EXT1: variants seen among roughly 807,000 people sequenced by gnomAD.
EXT1 encodes exostosin-1.
In EXT1, 20 loss-of-function variants were observed where a neutral mutation model predicts 82.5. That is an observed-to-expected ratio of 0.24 (90% CI 0.17 to 0.35). The LOEUF is 0.35. EXT1 is among the 10% of genes least tolerant of loss of function. EXT1 has a pLI of 1.00. For missense variants in EXT1, 757 were observed against 936.5 expected, an observed-to-expected ratio of 0.81 and a Z score of 2.50; for synonymous variants, 348 against 350.8, an observed-to-expected ratio of 0.99 and a Z score of 0.09.
chr8:117,992,624 C>T (rs543310491), intron 1 of EXT1, among the ~76,000 whole-genome samples: 2 of 152,136 alleles, frequency 1.3e-5, no homozygotes, highest in East Asian at 3.9e-4. Flanking sequence ...TCCAAGCTTC[C>T]AGCTCCCTGC....
chr8:117,971,881 TGG>T (rs1814947566), intron 1 of EXT1, among the ~76,000 whole-genome samples: 1 of 152,174 alleles, frequency 6.6e-6, no homozygotes, highest in African/African-American at 2.4e-5. Context: ...CCGGGTGCGG[TGG>T]CTCACGCCTG....
At chr8:118,040,319 G>A (rs1000977805) in intron 1 of EXT1, among the ~76,000 whole-genome samples, 1 of 152,138 alleles carries the variant, frequency 6.6e-6, no homozygotes, top group Non-Finnish European at 1.5e-5. Flanking sequence ...TAAAAAACCA[G>A]GTAGCTATTT....
chr8:118,015,574 G>A (rs1483160758), intron 1 of EXT1, among the ~76,000 whole-genome samples: 1 of 152,186 alleles, frequency 6.6e-6, no homozygotes, highest in Non-Finnish European at 1.5e-5. Context: ...CATGACAAGA[G>A]AGTTCCAGTG....
intron 1 of EXT1, among the ~76,000 whole-genome samples, chr8:118,027,313 TCACACACACACACACACACA>T (rs71307421): frequency 7.6e-5 from 11 of 145,412 alleles, no homozygotes; most frequent in East Asian, 2.0e-4. Context: ...TCAGTTTCTT[TCACACACACACACACACACA>T]CACACACACA....
intron 7 of EXT1, among the ~76,000 whole-genome samples, chr8:117,815,360 C>A (rs540668561): frequency 6.6e-6 from 1 of 152,208 alleles, no homozygotes; most frequent in Non-Finnish European, 1.5e-5. Context: ...TCTTCCTCAT[C>A]ATCTGCCCAA....
At chr8:118,093,327 C>T (rs945863047) in intron 1 of EXT1, among the ~76,000 whole-genome samples, 6 of 145,876 alleles carry the variant, frequency 4.1e-5, no homozygotes, top group South Asian at 2.2e-4. Context: ...CATACAAATA[C>T]AGGCCTATAA....
At chr8:117,858,855 A>AGG (rs1812630027) in intron 1 of EXT1, among the ~76,000 whole-genome samples, 2 of 57,510 alleles carry the variant, frequency 3.5e-5, no homozygotes, top group Admixed American at 3.9e-4. Context: ...GAAAGAAAGA[A>AGG]AGAAAGAAAG....
chr8:117,949,398 A>G (rs1814447723), intron 1 of EXT1, among the ~76,000 whole-genome samples: 2 of 151,690 alleles, frequency 1.3e-5, no homozygotes, highest in African/African-American at 2.4e-5. Context: ...ATAATGGACC[A>G]GAGAGAAAGT....
chr8:118,105,258 C>T (rs1817787745), intron 1 of EXT1, among the ~76,000 whole-genome samples: 1 of 152,216 alleles, frequency 6.6e-6, no homozygotes, highest in African/African-American at 2.4e-5. Context: ...AAAGAACTAA[C>T]ACCACCTGCA....
At chr8:117,882,401 T>C (rs867845291) in intron 1 of EXT1, among the ~76,000 whole-genome samples, 24 of 152,164 alleles carry the variant, frequency 1.6e-4, no homozygotes, top group South Asian at 8.3e-4. Context: ...TAACTTTGAA[T>C]GGCAAGTGGC....
At chr8:117,813,935 G>C (rs1308498679) in intron 7 of EXT1, among the ~76,000 whole-genome samples, 1 of 151,990 alleles carries the variant, frequency 6.6e-6, no homozygotes, top group Non-Finnish European at 1.5e-5. Context: ...GAACCCGGGA[G>C]GCAGAGGTTA....
intron 1 of EXT1, among the ~76,000 whole-genome samples, chr8:117,966,011 C>CACAT (rs1284672901): frequency 1.3e-5 from 2 of 151,186 alleles, no homozygotes; most frequent in East Asian, 1.9e-4. Context: ...CACACACACA[C>CACAT]ATATATACAC....
intron 1 of EXT1, among the ~76,000 whole-genome samples, chr8:118,011,639 A>T (rs1342282252): frequency 6.6e-6 from 1 of 152,194 alleles, no homozygotes; most frequent in Non-Finnish European, 1.5e-5. Flanking sequence ...CCAAAGTCGC[A>T]TATGTGGAAA....
chr8:117,883,714 G>A (rs1813100798), intron 1 of EXT1, among the ~76,000 whole-genome samples: 1 of 152,330 alleles, frequency 6.6e-6, no homozygotes, highest in East Asian at 1.9e-4. Flanking sequence ...AGTGCACCTG[G>A]AGAGCCCTTT....
chr8:117,949,886 G>A (rs1814458960), intron 1 of EXT1, among the ~76,000 whole-genome samples: 1 of 152,106 alleles, frequency 6.6e-6, no homozygotes, highest in Non-Finnish European at 1.5e-5. Context: ...CAAGATAACT[G>A]GGACTTAGGG....
At chr8:117,973,138 T>C (rs1283736532) in intron 1 of EXT1, among the ~76,000 whole-genome samples, 1 of 152,230 alleles carries the variant, frequency 6.6e-6, no homozygotes, top group Admixed American at 6.5e-5. Context: ...TAAGTGCTGG[T>C]GTTTCTGTGT....
rs532396450 is a variant in EXT1 at position 117,912,200 on chromosome 8, T to G, written c.963-74999A>C. 2.6e-5 allele frequency among the ~76,000 whole-genome samples: 4 copies of G among 152,304 alleles called. No individual in the cohort carries two copies. In the South Asian group the frequency reaches 8.3e-4, roughly 32 times the overall value. On this transcript the variant is annotated intron_variant, in intron 1 of 10. Coordinates refer to ENST00000378204, the MANE Select transcript of EXT1 (RefSeq NM_000127.3). Reference sequence around the variant, plus strand: ...CAAATTAACATCCTTTCCTTGCAAATGGTTCTGTCCTATAGCAGAGTATAC... The same window carrying G: ...CAAATTAACATCCTTTCCTTGCAAAGGGTTCTGTCCTATAGCAGAGTATAC...
intron 1 of EXT1, among the ~76,000 whole-genome samples, chr8:117,891,928 T>C (rs1813251274): frequency 6.7e-6 from 1 of 148,422 alleles, no homozygotes; most frequent in Non-Finnish European, 1.5e-5. Flanking sequence ...TGCTTCAGCC[T>C]CCTGAGTAGC....
chr8:118,036,802 T>C lies in EXT1; in HGVS notation c.962+73283A>G, dbSNP rs146619745. Among the ~76,000 whole-genome samples the C allele has an allele frequency of 2.3e-3, 350 of 152,278 alleles. 2 individuals carry two copies. The highest frequency in any genetic ancestry group is 8.1e-3 in the African/African-American group (335 of 41,568). ...TGTTCTTCCTACCCCCACCATCTACTGCCCTTTCTCCATTGTTCTTTTGAG... is the reference window on the plus strand; with the variant it reads ...TGTTCTTCCTACCCCCACCATCTACCGCCCTTTCTCCATTGTTCTTTTGAG... On this transcript the variant is annotated intron_variant, in intron 1 of 10. Coordinates refer to ENST00000378204, the MANE Select transcript of EXT1 (RefSeq NM_000127.3).
Sources: gnomAD v4.1 joint callset for allele counts (sites outside exome capture counted in the v4.1 genomes callset) on GRCh38, gnomAD v4.1.1 for gene constraint, MANE v1.5 for transcripts, NCBI Gene and HGNC (gene_info 2026-07-23, HGNC 2026-07-21) for gene names.